GPAM: variants seen among roughly 807,000 people sequenced by gnomAD.
GPAM encodes the protein glycerol-3-phosphate acyltransferase, mitochondrial.
GPAM carries 56 observed loss-of-function variants against 105.0 expected under a neutral mutation model. The observed-to-expected ratio is 0.53, with a 90% CI of 0.43 to 0.67. GPAM has a LOEUF of 0.67. Ranked by LOEUF, GPAM falls within the 30% of genes least tolerant of loss-of-function variation. The pLI is 0.00. For synonymous variants in GPAM, 368 were observed against 354.4 expected (o/e 1.04, Z -0.43); for missense variants, 855 against 989.8 (o/e 0.86, Z 1.83).
At position 112,168,432 on chromosome 10, in the gene GPAM, T is replaced by C. The variant is rs1847255926; in HGVS notation, c.987A>G (p.Ala329=). Reference sequence around the variant, plus strand: ...TATCTACCACAACTGACAAAAGTCCTGCCCGAGCACAAGAGGTTTTTCCAC... The same window carrying C: ...TATCTACCACAACTGACAAAAGTCCCGCCCGAGCACAAGAGGTTTTTCCAC... ...SRSGKTSCAR[A]GLLSVVVDTL... Residue 329 remains alanine, a synonymous_variant, in exon 11 of 22, where the codon GCA becomes GCG. Coordinates refer to ENST00000348367, the MANE Select transcript of GPAM (RefSeq NM_001244949.2). 1.9e-6 allele frequency: 3 copies of C among 1,611,276 alleles called. No individual in the cohort carries two copies. Among genetic ancestry groups the C allele is most frequent in the Non-Finnish European group, 2.5e-6 (3 of 1,177,510 alleles).
In GPAM at chr10:112,175,681, T is replaced by G. The variant is rs1169386465; in HGVS notation, c.332A>C (p.Tyr111Ser). Reference sequence around the variant, plus strand: ...ATCTCGCTCTTGAATAAAAAGAACGTAAGAAAGGCGTCTTGCAAGCCATCC... The same window carrying G: ...ATCTCGCTCTTGAATAAAAAGAACGGAAGAAAGGCGTCTTGCAAGCCATCC... Reference protein sequence around the residue: ...HRGWLARRLSYVLFIQERDVH... With the variant: ...HRGWLARRLSSVLFIQERDVH... Residue 111 changes from tyrosine (Y) to serine (S), a missense_variant, in exon 6 of 22, where the codon TAC becomes TCC. Tyr to Ser is a moderately radical substitution (Grantham distance 144, BLOSUM62 -2). Transcript: ENST00000348367. 1 of 1,612,844 alleles carries G rather than the reference T, an allele frequency of 6.2e-7. No individual in the cohort carries two copies. The highest frequency in any genetic ancestry group is 1.3e-5 in the African/African-American group (1 of 74,870).
At chr10:112,186,032 AG>A (rs949790483), upstream of GPAM, among the ~76,000 whole-genome samples, 1 of 152,106 alleles carries the variant, frequency 6.6e-6, no homozygotes, top group African/African-American at 2.4e-5. Flanking sequence ...AAACCCAAAA[AG>A]CTCAACAAAC....
At chr10:112,155,383 CTGTT>C (rs1846997932) in intron 20 of GPAM, 1 of 178,484 alleles carries the variant, frequency 5.6e-6, no homozygotes, top group Admixed American at 5.5e-5. Context: ...CCCTTGGAAA[CTGTT>C]TGGTGGTATC....
At chr10:112,208,548 G>C (rs1037460244) in intron 1 of GPAM, among the ~76,000 whole-genome samples, 28 of 152,098 alleles carry the variant, frequency 1.8e-4, no homozygotes, top group Non-Finnish European at 4.0e-4. Context: ...AATTTGAATA[G>C]ATCAACTCTG....
intron 1 of GPAM, among the ~76,000 whole-genome samples, chr10:112,192,096 G>GT (rs1376439411): frequency 2.6e-5 from 4 of 152,166 alleles, no homozygotes; most frequent in African/African-American, 9.6e-5. Flanking sequence ...AAGCAACAGG[G>GT]TAAGGGGTAG....
At chr10:112,210,872 G>C (rs575782464) in intron 1 of GPAM, among the ~76,000 whole-genome samples, 1 of 152,358 alleles carries the variant, frequency 6.6e-6, no homozygotes, top group South Asian at 2.1e-4. Flanking sequence ...CAAGTGGAAA[G>C]CATTGGGAGC....
rs1847353702 is a variant in GPAM at position 112,173,723 on chromosome 10, G to C, written c.536C>G (p.Ala179Gly). 1 of 1,613,814 alleles carries C rather than the reference G, an allele frequency of 6.2e-7. No individual in the cohort carries two copies. The highest frequency in any genetic ancestry group is 8.5e-7 in the Non-Finnish European group (1 of 1,179,724). Residue 179 changes from alanine to glycine, a missense_variant, in exon 7 of 22, where the codon GCC becomes GGC. Physicochemically the swap from Ala to Gly is moderately conservative, Grantham distance 60. Transcript: ENST00000348367. ...KAKRILQEMV[A>G]TVSPAMIRLT... ...CCTGATCATTGCCGGTGAGACAGTGGCAACCATTTCTTGAAGAATCCTTTT... is the reference window on the plus strand; with the variant it reads ...CCTGATCATTGCCGGTGAGACAGTGCCAACCATTTCTTGAAGAATCCTTTT...
At chr10:112,182,444 A>G (rs994608578) in intron 2 of GPAM, among the ~76,000 whole-genome samples, 2 of 152,242 alleles carry the variant, frequency 1.3e-5, no homozygotes, top group African/African-American at 4.8e-5. Context: ...ATAAGTTTTC[A>G]TCCTTTTCGA....
chr10:112,199,296 A>G (rs2133292108), intron 1 of GPAM, among the ~76,000 whole-genome samples: 1 of 152,304 alleles, frequency 6.6e-6, no homozygotes, highest in East Asian at 1.9e-4. Context: ...TAAGCCAGGC[A>G]CAGACAGACA....
At chr10:112,212,374 T>C (rs1847920863) in intron 1 of GPAM, among the ~76,000 whole-genome samples, 4 of 152,144 alleles carry the variant, frequency 2.6e-5, no homozygotes, top group African/African-American at 9.7e-5. Flanking sequence ...ACCATTCTCC[T>C]GCCTCAGCCT....
intron 1 of GPAM, among the ~76,000 whole-genome samples, chr10:112,212,245 C>T (rs570597835): frequency 1.3e-5 from 2 of 152,136 alleles, no homozygotes; most frequent in Non-Finnish European, 2.9e-5. Context: ...TAGGTTGGTG[C>T]AAAAGTAATT....
intron 1 of GPAM, among the ~76,000 whole-genome samples, chr10:112,209,668 C>T (rs556512147): frequency 1.3e-5 from 2 of 152,264 alleles, no homozygotes; most frequent in Admixed American, 6.5e-5. Flanking sequence ...CAAGGTTTAT[C>T]AATTTTCCCA....
At position 112,150,601 on chromosome 10, in the gene GPAM, A is replaced by G. The variant is rs1186712339; in HGVS notation, c.*2949T>C. ...TTTCCCAAAATGTTCTCCACAGGACATTAGTGAGAGGTTCATAAGTATCCC... is the reference window on the plus strand; with the variant it reads ...TTTCCCAAAATGTTCTCCACAGGACGTTAGTGAGAGGTTCATAAGTATCCC... On this transcript the variant is annotated 3_prime_UTR_variant, in exon 22 of 22. Coordinates refer to ENST00000348367, the MANE Select transcript of GPAM (RefSeq NM_001244949.2). 3 of 954,170 alleles carry G rather than the reference A, an allele frequency of 3.1e-6. No individual in the cohort carries two copies. The highest frequency in any genetic ancestry group is 4.8e-5 in the South Asian group (1 of 20,664). The allele number at this position is 954,170 out of a possible 1,614,324, so 59.1% of individuals were successfully genotyped here. A position where few individuals can be genotyped will look rare whatever the true frequency, so the allele number is the denominator to read the frequency against.
intron 1 of GPAM, among the ~76,000 whole-genome samples, chr10:112,211,274 G>A (rs921598527): frequency 6.6e-6 from 1 of 152,198 alleles, no homozygotes; most frequent in Non-Finnish European, 1.5e-5. Context: ...TGGGGAAGAA[G>A]AGCCCAGGAT....
At chr10:112,161,410 ATTTACATTAACAG>A (rs1847120851) in intron 15 of GPAM, among the ~76,000 whole-genome samples, 1 of 152,218 alleles carries the variant, frequency 6.6e-6, no homozygotes, top group South Asian at 2.1e-4. Flanking sequence ...GTTAGACCTT[ATTTACATTAACAG>A]TATTAATCAA....
At chr10:112,225,718 T>C in the GPAM span, among the ~76,000 whole-genome samples, 1 of 152,162 alleles carries the variant, frequency 6.6e-6, no homozygotes, top group South Asian at 2.1e-4. Flanking sequence ...TCTCTGTCCC[T>C]GCTACCTGCC....
chr10:112,188,507 C>T (rs1847620673), upstream of GPAM, among the ~76,000 whole-genome samples: 1 of 152,176 alleles, frequency 6.6e-6, no homozygotes, highest in South Asian at 2.1e-4. Context: ...ATTGTACCAG[C>T]AGAGAAGCTA....
chr10:112,220,428 A>G, the GPAM span, among the ~76,000 whole-genome samples: 3 of 152,240 alleles, frequency 2.0e-5, no homozygotes, highest in African/African-American at 7.2e-5. Flanking sequence ...ACATGCATCT[A>G]GAGCCATACT....
chr10:112,190,584 G>A (rs540566045), intron 1 of GPAM, among the ~76,000 whole-genome samples: 1 of 151,914 alleles, frequency 6.6e-6, no homozygotes, highest in South Asian at 2.1e-4. Context: ...CACATTTATG[G>A]CATAATAAGG....
Sources: gnomAD v4.1 joint callset for allele counts (sites outside exome capture counted in the v4.1 genomes callset) on GRCh38, gnomAD v4.1.1 for gene constraint, MANE v1.5 for transcripts, NCBI Gene and HGNC (gene_info 2026-07-23, HGNC 2026-07-21) for gene names.